The following DNAJC5B variants were observed in gnomAD, a reference collection of about 807,000 sequenced individuals.
The protein encoded by DNAJC5B is DnaJ heat shock protein family (Hsp40) member C5 beta.
DNAJC5B carries 23 observed loss-of-function variants against 24.7 expected under a neutral mutation model. The observed-to-expected ratio is 0.93, with a 90% CI of 0.67 to 1.32. The LOEUF is 1.32. DNAJC5B is among the 40% of genes most tolerant of loss of function. DNAJC5B has a pLI of 0.00. For synonymous variants in DNAJC5B, 101 were observed against 90.1 expected (o/e 1.12, Z -0.68); for missense variants, 238 against 240.8 (o/e 0.99, Z 0.08).
At chr8:66,049,599 T>C (rs1013497870) in intron 2 of DNAJC5B, among the ~76,000 whole-genome samples, 2 of 152,244 alleles carry the variant, frequency 1.3e-5, no homozygotes, top group African/African-American at 4.8e-5. Flanking sequence ...CTCTGTGATG[T>C]TCACACAATG....
rs902215760 is a variant in DNAJC5B, at chr8:66,100,136, CTTG to C, written c.*111_*113del. ...CATAAAGTGCTGTGAACTTTTCCAT[CTTG>C]TTGTTTTATTTTTGGGTTAGGAAAA... On this transcript the variant is annotated 3_prime_UTR_variant, in exon 6 of 6. Coordinates refer to ENST00000276570, the MANE Select transcript of DNAJC5B (RefSeq NM_033105.6). The C allele has an allele frequency of 9.8e-6, 9 of 922,290 alleles. No individual in the cohort carries two copies. Among genetic ancestry groups the C allele is most frequent in the Admixed American group, 6.0e-5 (2 of 33,236 alleles). 57.1% of individuals were successfully genotyped at this position (922,290 alleles called of 1,614,324 possible).
rs1806841306 is a variant in DNAJC5B, at chr8:66,051,417, T to G, written c.-17-114T>G. 3 of 688,338 alleles carry G rather than the reference T, an allele frequency of 4.4e-6. No individual in the cohort carries two copies. The South Asian group carries it at 5.5e-5, about 13-fold the overall frequency. The allele number at this position is 688,338 out of a possible 1,614,324, so 42.6% of individuals were successfully genotyped here. A position where few individuals can be genotyped will look rare whatever the true frequency, so the allele number is the denominator to read the frequency against. ...TTTTCTCCCCTCTTTTTGTAGTTGGTACACAAATATTCTTCAAATTGTCAT... is the reference window on the plus strand; with the variant it reads ...TTTTCTCCCCTCTTTTTGTAGTTGGGACACAAATATTCTTCAAATTGTCAT... On this transcript the variant is annotated intron_variant, in intron 2 of 5. Transcript: ENST00000276570.
intron 5 of DNAJC5B, among the ~76,000 whole-genome samples, chr8:66,093,389 C>G (rs1352861488): frequency 1.3e-5 from 2 of 152,138 alleles, no homozygotes; most frequent in East Asian, 3.8e-4. Context: ...GCCCCACACC[C>G]TTGCCTCCAC....
At chr8:66,019,341 C>A (rs1434299148), upstream of DNAJC5B, among the ~76,000 whole-genome samples, 2 of 152,148 alleles carry the variant, frequency 1.3e-5, no homozygotes, top group Admixed American at 6.5e-5. Context: ...GTCAGACACA[C>A]ACTGCATATC....
rs190640671 is a variant in DNAJC5B, at chr8:66,100,166, A to G, written c.*135A>G. 26 of 672,486 alleles carry G rather than the reference A, an allele frequency of 3.9e-5. No homozygotes were observed. In the East Asian group the frequency reaches 7.0e-4, roughly 18 times the overall value. The allele number at this position is 672,486 out of a possible 1,614,324, so 41.7% of individuals were successfully genotyped here. A position where few individuals can be genotyped will look rare whatever the true frequency, so the allele number is the denominator to read the frequency against. ...TGTTTTATTTTTGGGTTAGGAAAAC[A>G]TGATTGCTATATAATTTTCTCAGTA... On this transcript the variant is annotated 3_prime_UTR_variant, in exon 6 of 6. Transcript: ENST00000276570.
upstream of DNAJC5B, among the ~76,000 whole-genome samples, chr8:66,018,491 C>T (rs942011739): frequency 6.6e-6 from 1 of 152,098 alleles, no homozygotes; most frequent in African/African-American, 2.4e-5. Flanking sequence ...TGCACTCCAG[C>T]CTGGGCAACA....
intron 5 of DNAJC5B, among the ~76,000 whole-genome samples, chr8:66,097,733 T>G (rs1807984975): frequency 6.6e-6 from 1 of 152,210 alleles, no homozygotes. Flanking sequence ...GGTTGATGTC[T>G]TCTTTCAGTA....
intron 5 of DNAJC5B, among the ~76,000 whole-genome samples, chr8:66,084,530 C>G (rs547879457): frequency 4.7e-4 from 72 of 152,118 alleles, no homozygotes; most frequent in African/African-American, 1.6e-3. Flanking sequence ...AGGAATCAAC[C>G]CTCACCTCTG....
At chr8:66,056,536 A>T (rs1349180372) in intron 3 of DNAJC5B, 2 of 152,236 alleles carry the variant, frequency 1.3e-5, no homozygotes, top group African/African-American at 4.8e-5. Context: ...TGGGAGCCTC[A>T]GAAGCGGGAG....
chr8:66,075,650 T>TA (rs1168868172), intron 3 of DNAJC5B, among the ~76,000 whole-genome samples: 1 of 152,208 alleles, frequency 6.6e-6, no homozygotes, highest in African/African-American at 2.4e-5. Flanking sequence ...GTTTGATTTT[T>TA]AAAAATTTAT....
chr8:66,074,947 G>A (rs898189493), intron 3 of DNAJC5B, among the ~76,000 whole-genome samples: 2 of 152,310 alleles, frequency 1.3e-5, no homozygotes, highest in African/African-American at 4.8e-5. Flanking sequence ...TGTGATAAAT[G>A]GATTGGGTGC....
intron 3 of DNAJC5B, among the ~76,000 whole-genome samples, chr8:66,059,897 T>A (rs895233085): frequency 5.9e-5 from 9 of 152,178 alleles, no homozygotes; most frequent in African/African-American, 2.2e-4. Context: ...CAGAAGGTGC[T>A]CCTTGCCAAC....
intron 2 of DNAJC5B, among the ~76,000 whole-genome samples, chr8:66,047,789 A>G (rs1806754430): frequency 6.6e-6 from 1 of 152,228 alleles, no homozygotes; most frequent in Admixed American, 6.5e-5. Flanking sequence ...ATGGTGGTGC[A>G]GGGACATTTA....
intron 1 of DNAJC5B, among the ~76,000 whole-genome samples, chr8:66,036,734 C>T (rs1806493992): frequency 6.6e-6 from 1 of 152,220 alleles, no homozygotes; most frequent in African/African-American, 2.4e-5. Context: ...GACTGAAATC[C>T]TGGTACCCAA....
At chr8:66,066,519 T>C (rs771933872) in intron 3 of DNAJC5B, among the ~76,000 whole-genome samples, 2 of 152,226 alleles carry the variant, frequency 1.3e-5, no homozygotes, top group Non-Finnish European at 2.9e-5. Context: ...GAAAATGTGA[T>C]ATATATACAT....
At chr8:66,020,846 C>A (rs927988886), upstream of DNAJC5B, among the ~76,000 whole-genome samples, 5 of 152,110 alleles carry the variant, frequency 3.3e-5, no homozygotes, top group Non-Finnish European at 7.4e-5. Flanking sequence ...CTATATAGCT[C>A]GGGCTGGTCT....
chr8:66,036,255 C>CTGGT (rs1806482041), intron 1 of DNAJC5B, among the ~76,000 whole-genome samples: 1 of 152,158 alleles, frequency 6.6e-6, no homozygotes, highest in African/African-American at 2.4e-5. Context: ...TTGTGTCTGG[C>CTGGT]TGGTTCCTGG....
At chr8:66,016,059 A>G in the DNAJC5B span, among the ~76,000 whole-genome samples, 2 of 152,226 alleles carry the variant, frequency 1.3e-5, no homozygotes, top group Non-Finnish European at 2.9e-5. Flanking sequence ...GAAGTCTAAG[A>G]CTAAGGCACT....
chr8:66,047,283 C>A (rs765320392), intron 2 of DNAJC5B, among the ~76,000 whole-genome samples: 17 of 152,202 alleles, frequency 1.1e-4, no homozygotes, highest in Non-Finnish European at 2.4e-4. Flanking sequence ...GCTTGGATGG[C>A]CCAGCCAGCA....
Sources: gnomAD v4.1 joint callset for allele counts (sites outside exome capture counted in the v4.1 genomes callset) on GRCh38, gnomAD v4.1.1 for gene constraint, MANE v1.5 for transcripts, NCBI Gene and HGNC (gene_info 2026-07-23, HGNC 2026-07-21) for gene names.